PMS1: variants seen among roughly 807,000 people sequenced by gnomAD.
PMS1 encodes PMS1 protein homolog 1.
A neutral mutation model predicts 93.1 loss-of-function variants in PMS1; 79 were observed. The observed-to-expected ratio is 0.85, with a 90% CI of 0.71 to 1.02. The LOEUF (loss-of-function observed/expected upper bound fraction) is 1.02, where lower values mean the gene tolerates loss of function less well. Among genes scored for constraint, PMS1 ranks in the 50% least tolerant of loss-of-function variants. PMS1 has a pLI of 0.00. For missense variants in PMS1, 1,064 were observed against 1,085.3 expected (o/e 0.98, Z 0.28); for synonymous variants, 335 against 363.4 (o/e 0.92, Z 0.89).
intron 5 of PMS1, among the ~76,000 whole-genome samples, chr2:189,839,903 G>A (rs902053656): frequency 6.6e-6 from 1 of 151,914 alleles, no homozygotes; most frequent in South Asian, 2.1e-4. Flanking sequence ...AGTATGAGAC[G>A]AAATTAAGGG....
chr2:189,867,887 C>T lies in PMS1; in HGVS notation c.2431C>T (p.Pro811Ser). ...CAGTGGATCAACTTACCTGTCTGAT[C>T]CTCGTCTTACAGCGAATGGTTTCAA... ...RYSGSTYLSDPRLTANGFKIK... is the reference protein window; with the variant it reads ...RYSGSTYLSDSRLTANGFKIK... The change falls in exon 11 of 13, where the codon CCT becomes TCT. Residue 811 changes from proline to serine, a missense_variant. Transcript: ENST00000441310. The T allele has an allele frequency of 6.2e-7, 1 of 1,608,340 alleles. No homozygotes were observed. Among genetic ancestry groups the T allele is most frequent in the Non-Finnish European group, 8.5e-7 (1 of 1,174,882 alleles).
Position 189,805,813 on chromosome 2 carries a change from T to TA in PMS1, c.418+70dup, listed in dbSNP as rs3214425. 0.21 allele frequency: 284,844 copies of TA among 1,353,866 alleles called. 9,570 individuals are homozygous for TA. Among genetic ancestry groups the TA allele is most frequent in the African/African-American group, 0.29 (20,017 of 68,822 alleles). 83.9% of individuals were successfully genotyped at this position (1,353,866 alleles called of 1,614,324 possible). A position where few individuals can be genotyped will look rare whatever the true frequency, so the allele number is the denominator to read the frequency against. ...ACCTTTTCTGTCTTAATTGTTGGTT[T>TA]AAAAAAAAAAAGTTACTCGGTGAAT... On this transcript the variant is annotated intron_variant, in intron 4 of 12. Transcript: ENST00000441310.
chr2:189,853,859 T>C, intron 7 of PMS1, 80 bp from the exon 8 acceptor site: 1 of 872,492 alleles, frequency 1.1e-6, no homozygotes, highest in Non-Finnish European at 1.8e-6. Context: ...CTACTCAATT[T>C]CTCAGTTGAA....
At chr2:189,810,178 A>C (rs1245003740) in intron 4 of PMS1, among the ~76,000 whole-genome samples, 1 of 152,204 alleles carries the variant, frequency 6.6e-6, no homozygotes, top group Non-Finnish European at 1.5e-5. Context: ...AGATGGTAGG[A>C]GTTTGAAGAT....
At chr2:189,804,736 C>T (rs1033443150) in intron 3 of PMS1, among the ~76,000 whole-genome samples, 3 of 152,040 alleles carry the variant, frequency 2.0e-5, no homozygotes, top group Non-Finnish European at 4.4e-5. Context: ...CTTATGGTGT[C>T]TAAATTATAT....
chr2:189,873,468 C>T (rs764909644), intron 11 of PMS1, 28 bp from the exon 12 acceptor site: 11 of 1,481,326 alleles, frequency 7.4e-6, no homozygotes, highest in South Asian at 1.1e-5. Flanking sequence ...ATGAACTTAA[C>T]TATGTGTTTT....
At chr2:189,853,628 GC>G (rs2055015094) in intron 7 of PMS1, among the ~76,000 whole-genome samples, 2 of 150,604 alleles carry the variant, frequency 1.3e-5, no homozygotes, top group Non-Finnish European at 2.9e-5. Context: ...CAATTCTCCT[GC>G]CTCATCCTCC....
At chr2:189,872,751 G>T (rs1371948865) in intron 11 of PMS1, among the ~76,000 whole-genome samples, 2 of 152,246 alleles carry the variant, frequency 1.3e-5, no homozygotes, top group East Asian at 3.9e-4. Flanking sequence ...TCCCATCTCA[G>T]CTTCCCTAGT....
chr2:189,836,792 G>A (rs751929241), intron 5 of PMS1, among the ~76,000 whole-genome samples: 5 of 152,158 alleles, frequency 3.3e-5, no homozygotes, highest in Non-Finnish European at 5.9e-5. Context: ...CAGACTCCTA[G>A]CATGTTTACT....
chr2:189,855,997 G>A, intron 9 of PMS1: 1 of 271,674 alleles, frequency 3.7e-6, no homozygotes, highest in Non-Finnish European at 6.2e-6. Context: ...TATATTTGGT[G>A]ATAAACTACC....
At chr2:189,853,217 C>T (rs5743131) in intron 7 of PMS1, among the ~76,000 whole-genome samples, 1,878 of 152,072 alleles carry the variant, frequency 0.012, 35 homozygotes, top group African/African-American at 0.04. Flanking sequence ...CTATGCCCAG[C>T]TAATTTTTTT....
rs1201959491 is a variant in PMS1 at position 189,869,184 on chromosome 2, A to G, written c.2473+1255A>G. ...AAGCCTAGCTCTTAACTCATTTATTATATTGCCTTCCTGTCAAAATTTAGA... is the reference window on the plus strand; with the variant it reads ...AAGCCTAGCTCTTAACTCATTTATTGTATTGCCTTCCTGTCAAAATTTAGA... On this transcript the variant is annotated intron_variant, in intron 11 of 12. Coordinates refer to ENST00000441310, the MANE Select transcript of PMS1 (RefSeq NM_000534.5). Among the ~76,000 whole-genome samples the G allele has an allele frequency of 2.6e-5, 4 of 152,220 alleles. No homozygotes were observed. In the East Asian group the frequency reaches 7.7e-4, roughly 29 times the overall value.
At chr2:189,795,193 AAG>A (rs1169381504) in intron 2 of PMS1, among the ~76,000 whole-genome samples, 9 of 152,356 alleles carry the variant, frequency 5.9e-5, no homozygotes, top group African/African-American at 2.2e-4. Flanking sequence ...TTTGCAGAAA[AAG>A]ATTTAGAAAG....
intron 4 of PMS1, among the ~76,000 whole-genome samples, chr2:189,814,554 T>C (rs2051111676): frequency 6.6e-6 from 1 of 152,172 alleles, no homozygotes; most frequent in Non-Finnish European, 1.5e-5. Context: ...CTTTATTACT[T>C]TCTCTTATTT....
chr2:189,828,341 G>A (rs992129379), intron 5 of PMS1, among the ~76,000 whole-genome samples: 20 of 152,190 alleles, frequency 1.3e-4, no homozygotes, highest in African/African-American at 4.8e-4. Flanking sequence ...ACAAAGAAAT[G>A]AGAAATGTTT....
intron 5 of PMS1, among the ~76,000 whole-genome samples, chr2:189,842,196 C>G (rs1194159453): frequency 6.6e-6 from 1 of 152,002 alleles, no homozygotes; most frequent in Non-Finnish European, 1.5e-5. Flanking sequence ...CTACCATACT[C>G]ACTCAACATT....
At chr2:189,826,721 G>A (rs1156353342) in intron 5 of PMS1, among the ~76,000 whole-genome samples, 1 of 152,074 alleles carries the variant, frequency 6.6e-6, no homozygotes, top group South Asian at 2.1e-4. Flanking sequence ...TTTTGCTTCA[G>A]TGGCAGTGAT....
chr2:189,831,942 G>A (rs5743070), intron 5 of PMS1, among the ~76,000 whole-genome samples: 225 of 152,112 alleles, frequency 1.5e-3, no homozygotes, highest in Non-Finnish European at 2.9e-3. Flanking sequence ...TGTTGGCCAG[G>A]CTGGTCTCAA....
At chr2:189,870,967 A>G (rs1272600140) in intron 11 of PMS1, among the ~76,000 whole-genome samples, 1 of 152,204 alleles carries the variant, frequency 6.6e-6, no homozygotes, top group East Asian at 1.9e-4. Context: ...AATGACCACA[A>G]GCCTTCCTTA....
Sources: gnomAD v4.1 joint callset for allele counts (sites outside exome capture counted in the v4.1 genomes callset) on GRCh38, gnomAD v4.1.1 for gene constraint, MANE v1.5 for transcripts, NCBI Gene and HGNC (gene_info 2026-07-23, HGNC 2026-07-21) for gene names.